The following CDYL2 variants were observed in gnomAD, a reference collection of about 807,000 sequenced individuals.
CDYL2 encodes the protein chromodomain Y-like protein 2.
In CDYL2, 23 loss-of-function variants were observed where a neutral mutation model predicts 49.4. The observed-to-expected ratio is 0.47, with a 90% CI of 0.34 to 0.66. CDYL2 has a LOEUF of 0.66. Among genes scored for constraint, CDYL2 ranks in the 30% least tolerant of loss-of-function variants. The pLI is 0.01. For missense variants in CDYL2, 678 were observed against 656.4 expected (o/e 1.03, Z -0.36); for synonymous variants, 360 against 268.8 (o/e 1.34, Z -3.32).
chr16:80,612,625 C>T lies in CDYL2; in HGVS notation c.1218+1G>A. 1 of 1,601,760 alleles carries T rather than the reference C, an allele frequency of 6.2e-7. No homozygotes were observed. The highest frequency in any genetic ancestry group is 1.1e-5 in the South Asian group (1 of 89,382). On this transcript the variant is annotated splice_donor_variant, in intron 5 of 6. Transcript: ENST00000570137. LOFTEE classifies it high-confidence loss of function. The surrounding 1 kb of genome is among the most constrained non-coding windows in gnomAD (Gnocchi z 5.0). ...GAATCCAGGTATCACAGGAGGCTTA[C>T]CAGCGCGACGCCCAGGATCTGGGGG...
At chr16:80,785,576 T>C (rs1907407965) in intron 1 of CDYL2, among the ~76,000 whole-genome samples, 2 of 152,192 alleles carry the variant, frequency 1.3e-5, no homozygotes. Flanking sequence ...CCCATCAAGC[T>C]ACCACTGACT....
At chr16:80,707,551 G>A (rs905767142) in intron 1 of CDYL2, among the ~76,000 whole-genome samples, 6 of 152,154 alleles carry the variant, frequency 3.9e-5, no homozygotes, top group Non-Finnish European at 8.8e-5. Context: ...CTTCTGGTTC[G>A]GTGACTGTAA....
chr16:80,684,037 G>A (rs150938834), intron 2 of CDYL2, among the ~76,000 whole-genome samples: 30 of 152,304 alleles, frequency 2.0e-4, no homozygotes, highest in Non-Finnish European at 3.7e-4. Flanking sequence ...AGGCACTGGC[G>A]TGGTGAACTC....
At chr16:80,617,409 T>C (rs542712939) in intron 4 of CDYL2, among the ~76,000 whole-genome samples, 1 of 152,232 alleles carries the variant, frequency 6.6e-6, no homozygotes, top group Non-Finnish European at 1.5e-5. Context: ...CTTGTAAGTA[T>C]GCTAATACAC....
chr16:80,659,247 G>C (rs956227046), intron 2 of CDYL2, among the ~76,000 whole-genome samples: 8 of 152,164 alleles, frequency 5.3e-5, no homozygotes, highest in African/African-American at 1.9e-4. Context: ...CTTCAAAAAT[G>C]TCAGCGTCAT....
chr16:80,777,220 C>T (rs960439832), intron 1 of CDYL2, among the ~76,000 whole-genome samples: 15 of 152,110 alleles, frequency 9.9e-5, no homozygotes, highest in African/African-American at 3.6e-4. Context: ...AGGGGGCACA[C>T]AGAGGACTAG....
chr16:80,709,174 C>CAGAT (rs1175379098), intron 1 of CDYL2, among the ~76,000 whole-genome samples: 1 of 152,074 alleles, frequency 6.6e-6, no homozygotes, highest in Non-Finnish European at 1.5e-5. Context: ...ACGAAGTCAA[C>CAGAT]AGATCAAGAC....
chr16:80,613,082 T>C (rs1042932508), intron 4 of CDYL2, among the ~76,000 whole-genome samples: 1 of 152,092 alleles, frequency 6.6e-6, no homozygotes, highest in Non-Finnish European at 1.5e-5. Context: ...GTCCTAGCAC[T>C]GCACCCAGTT....
intron 1 of CDYL2, among the ~76,000 whole-genome samples, chr16:80,739,714 G>A (rs1905668856): frequency 6.6e-6 from 1 of 152,158 alleles, no homozygotes; most frequent in African/African-American, 2.4e-5. Flanking sequence ...GAGCTCAGGT[G>A]TGGGAGGTGG....
chr16:80,794,858 C>T (rs565295246), intron 1 of CDYL2, among the ~76,000 whole-genome samples: 19 of 152,014 alleles, frequency 1.2e-4, no homozygotes, highest in African/African-American at 3.9e-4. Flanking sequence ...GGTGATCCGC[C>T]CATCTTGGCC....
Position 80,658,801 on chromosome 16 carries a change from C to T in CDYL2, c.617-25565G>A, listed in dbSNP as rs1422539690. On this transcript the variant is annotated intron_variant, in intron 2 of 6. Coordinates refer to ENST00000570137, the MANE Select transcript of CDYL2 (RefSeq NM_152342.4). ...ATCCCACTAAAATAAACAAGGGCTCCTAGAGAAATGGCTGCTTCCAGGGCT... is the reference window on the plus strand; with the variant it reads ...ATCCCACTAAAATAAACAAGGGCTCTTAGAGAAATGGCTGCTTCCAGGGCT... Among the ~76,000 whole-genome samples the T allele has an allele frequency of 2.0e-5, 3 of 152,042 alleles. No homozygotes were observed. The South Asian group carries it at 6.2e-4, about 32-fold the overall frequency.
At chr16:80,608,013 A>C in intron 6 of CDYL2, 79 bp downstream of exon 6, 1 of 1,428,728 alleles carries the variant, frequency 7.0e-7, no homozygotes, top group Non-Finnish European at 9.2e-7. Context: ...AAGTCAGTGA[A>C]GCCCTCTGAG....
At chr16:80,616,005 TC>T (rs1328794643) in intron 4 of CDYL2, among the ~76,000 whole-genome samples, 1 of 152,030 alleles carries the variant, frequency 6.6e-6, no homozygotes, top group African/African-American at 2.4e-5. Flanking sequence ...TACGCCACCT[TC>T]CCCCACATCC....
At chr16:80,768,275 G>A (rs1906792196) in intron 1 of CDYL2, among the ~76,000 whole-genome samples, 1 of 152,032 alleles carries the variant, frequency 6.6e-6, no homozygotes, top group African/African-American at 2.4e-5. Flanking sequence ...CTATTCACTG[G>A]CCATCAGACC....
At chr16:80,645,387 C>G (rs1488061393) in intron 2 of CDYL2, among the ~76,000 whole-genome samples, 1 of 152,172 alleles carries the variant, frequency 6.6e-6, no homozygotes, top group African/African-American at 2.4e-5. Context: ...TGAAAAAATG[C>G]TCATCATCAC....
chr16:80,758,721 T>C (rs995027689), intron 1 of CDYL2, among the ~76,000 whole-genome samples: 3 of 151,902 alleles, frequency 2.0e-5, no homozygotes, highest in African/African-American at 7.3e-5. Flanking sequence ...TTTTTGTATT[T>C]TTAGTAGAGA....
intron 1 of CDYL2, among the ~76,000 whole-genome samples, chr16:80,782,738 A>G (rs1356462024): frequency 6.6e-6 from 1 of 151,860 alleles, no homozygotes; most frequent in Non-Finnish European, 1.5e-5. Context: ...AGAATGATGG[A>G]AAAAAAACAC....
intron 1 of CDYL2, among the ~76,000 whole-genome samples, chr16:80,724,235 G>A (rs538497641): frequency 6.7e-6 from 1 of 148,240 alleles, no homozygotes; most frequent in South Asian, 2.2e-4. Context: ...AGGAGGGGGA[G>A]AAAGAGGAAG....
At chr16:80,770,975 G>T (rs932161397) in intron 1 of CDYL2, among the ~76,000 whole-genome samples, 1 of 152,182 alleles carries the variant, frequency 6.6e-6, no homozygotes, top group Non-Finnish European at 1.5e-5. Context: ...ACAAAAGTTG[G>T]GAATACTGGG....
Sources: allele counts gnomAD v4.1 joint callset (sites outside exome capture counted in the v4.1 genomes callset), GRCh38; gene constraint gnomAD v4.1.1; non-coding constraint Gnocchi (gnomAD v3.1); transcripts MANE v1.5; gene names NCBI Gene and HGNC (gene_info 2026-07-23, HGNC 2026-07-21).